Variants in PIK3C2B observed in about 807,000 individuals in gnomAD.
PIK3C2B encodes phosphatidylinositol-4-phosphate 3-kinase catalytic subunit type 2 beta.
In PIK3C2B, 83 loss-of-function variants were observed where a neutral mutation model predicts 184.3. The observed-to-expected ratio is 0.45, with a 90% CI of 0.38 to 0.54. The LOEUF is 0.54. Among genes scored for constraint, PIK3C2B ranks in the 20% least tolerant of loss-of-function variants. The pLI is 0.00. For missense variants in PIK3C2B, 1,736 were observed against 2,113.5 expected (o/e 0.82, Z 3.50); for synonymous variants, 779 against 837.6 (o/e 0.93, Z 1.21).
Position 204,464,592 on chromosome 1 carries a change from G to A in PIK3C2B, c.1047C>T (p.Gly349=). 1 of 1,613,980 alleles carries A rather than the reference G, an allele frequency of 6.2e-7. No homozygotes were observed. The highest frequency in any genetic ancestry group is 8.5e-7 in the Non-Finnish European group (1 of 1,179,944). The change falls in exon 4 of 33, where the codon GGC becomes GGT. Residue 349 remains glycine (G), a synonymous_variant. Coordinates refer to ENST00000684373, the MANE Select transcript of PIK3C2B (RefSeq NM_001377334.1). ...TGAGGAAGTAGTCTTGGATGTCAGA[G>A]CCAGATCGAAGGCTGTACAGGAAGA... ...FCHMLDILRS[G]SDIQDYFLTG...
chr1:204,438,880 G>A, intron 23 of PIK3C2B, 55 bp downstream of exon 23: 16 of 1,579,248 alleles, frequency 1.0e-5, no homozygotes, highest in Non-Finnish European at 1.4e-5. Context: ...AAAGAGCTGT[G>A]TGCCGGCATC....
Position 204,430,016 on chromosome 1 carries a change from C to T in PIK3C2B, c.4303G>A (p.Gly1435Ser), listed in dbSNP as rs140065111. 4.0e-5 allele frequency: 65 copies of T among 1,609,748 alleles called. No homozygotes were observed. The African/African-American group carries it at 6.8e-4, about 17-fold the overall frequency. The change falls in exon 29 of 33, where the codon GGC becomes AGC. Residue 1435 changes from glycine (G) to serine (S), a missense_variant. Gly to Ser is a moderately conservative substitution (Grantham distance 56, BLOSUM62 0). Coordinates refer to ENST00000684373, the MANE Select transcript of PIK3C2B (RefSeq NM_001377334.1). ...GCCACCGCCTCTCCCCGGGAGCGGC[C>T]GATCACGAAGCGACTAGGGAAGCTG... The part of the protein sequence containing the change: ...LPSFPSRFVI[G>S]RSRGEAVAER...
intron 2 of PIK3C2B, among the ~76,000 whole-genome samples, chr1:204,468,401 G>A (rs955885717): frequency 2.0e-5 from 3 of 151,986 alleles, no homozygotes. Context: ...TCTGGACCAG[G>A]GTCTGGCATT....
At position 204,453,948 on chromosome 1, in the gene PIK3C2B, T is replaced by A. The variant is rs1224348713; in HGVS notation, c.2066+721A>T. 2.0e-5 allele frequency among the ~76,000 whole-genome samples: 3 copies of A among 151,534 alleles called. No homozygotes were observed. In the East Asian group the frequency reaches 5.9e-4, roughly 30 times the overall value. The stretch of plus-strand genomic sequence containing the variant: ...GCCACCATGCCCGGCTATTTTGTAT[T>A]TTTTTTAGTAGAGACGAGGTTTCTC... On this transcript the variant is annotated intron_variant, in intron 12 of 32. Coordinates refer to ENST00000684373, the MANE Select transcript of PIK3C2B (RefSeq NM_001377334.1).
intron 12 of PIK3C2B, among the ~76,000 whole-genome samples, chr1:204,452,189 G>A (rs938239719): frequency 2.0e-5 from 3 of 152,128 alleles, no homozygotes; most frequent in African/African-American, 7.2e-5. Flanking sequence ...AAACTCATGG[G>A]GCAGGCTGGG....
At chr1:204,448,739 T>C (rs1654089498) in intron 14 of PIK3C2B, among the ~76,000 whole-genome samples, 1 of 151,874 alleles carries the variant, frequency 6.6e-6, no homozygotes, top group South Asian at 2.1e-4. Flanking sequence ...AGCTGGGAAC[T>C]GAGAAGTGCA....
chr1:204,443,676 C>A, intron 18 of PIK3C2B, 79 bp from the exon 19 acceptor site: 1 of 1,356,886 alleles, frequency 7.4e-7, no homozygotes, highest in Non-Finnish European at 1.0e-6. Context: ...GAGTCAGGCC[C>A]AGCTCCAACT....
Position 204,469,071 on chromosome 1 carries a change from A to G in PIK3C2B, c.732T>C (p.Tyr244=). The G allele has an allele frequency of 1.2e-6, 2 of 1,614,158 alleles. No individual in the cohort carries two copies. The highest frequency in any genetic ancestry group is 1.7e-6 in the Non-Finnish European group (2 of 1,180,038). ...AITRLNLKST[Y]DAEMLRDATR... ...TGGCATCCCGCAACATCTCCGCATC[A>G]TAGGTCGATTTCAAGTTGAGCCTAG... The change falls in exon 2 of 33, where the codon TAT becomes TAC. Residue 244 remains tyrosine, a synonymous_variant. Transcript: ENST00000684373.
intron 29 of PIK3C2B, 68 bp from the exon 30 acceptor site, chr1:204,428,288 C>A: frequency 2.1e-6 from 2 of 944,328 alleles, no homozygotes; most frequent in Non-Finnish European, 1.7e-6. Context: ...AGGAAGGGGA[C>A]TGTTCCAGAT....
chr1:204,466,243 A>G (rs1232991343), intron 2 of PIK3C2B, among the ~76,000 whole-genome samples: 1 of 152,210 alleles, frequency 6.6e-6, no homozygotes, highest in Non-Finnish European at 1.5e-5. Flanking sequence ...ACGAGGCTTC[A>G]GCTCAGATGG....
At chr1:204,439,172 T>C in intron 22 of PIK3C2B, 101 bp from the exon 23 acceptor site, 1 of 1,205,158 alleles carries the variant, frequency 8.3e-7, no homozygotes, top group Non-Finnish European at 1.2e-6. Flanking sequence ...TAAATTAAGC[T>C]GTAAGGCATT....
chr1:204,428,224 G>A lies in PIK3C2B; in HGVS notation c.4399-4C>T, dbSNP rs752353857. The A allele has an allele frequency of 6.3e-7, 1 of 1,599,978 alleles. No homozygotes were observed. The highest frequency in any genetic ancestry group is 2.2e-5 in the East Asian group (1 of 44,820). On this transcript the variant is annotated splice_region_variant and splice_polypyrimidine_tract_variant and intron_variant, in intron 29 of 32. Transcript: ENST00000684373. Reference sequence around the variant, plus strand: ...AGAAGGTGTACACCAAATCACACTGGAACAGAATCAGAAACAGGGCCATTC... The same window carrying A: ...AGAAGGTGTACACCAAATCACACTGAAACAGAATCAGAAACAGGGCCATTC...
chr1:204,491,973 C>A (rs911448003), intron 1 of PIK3C2B, among the ~76,000 whole-genome samples: 2 of 152,180 alleles, frequency 1.3e-5, no homozygotes, highest in Non-Finnish European at 2.9e-5. Flanking sequence ...CCTGCCAACA[C>A]TATTTAAAGA....
Position 204,444,132 on chromosome 1 carries a change from G to T in PIK3C2B, c.2803C>A (p.Pro935Thr). The T allele has an allele frequency of 6.2e-7, 1 of 1,613,690 alleles. No homozygotes were observed. The highest frequency in any genetic ancestry group is 8.5e-7 in the Non-Finnish European group (1 of 1,179,580). ...ALKYECYLDSPLVRFLLKRAV... is the reference protein window; with the variant it reads ...ALKYECYLDSTLVRFLLKRAV... Reference sequence around the variant, plus strand: ...CGTTTCAGGAGGAAGCGCACCAACGGGCTGTCCAGGTAGCATTCATACTTC... The same window carrying T: ...CGTTTCAGGAGGAAGCGCACCAACGTGCTGTCCAGGTAGCATTCATACTTC... The change falls in exon 18 of 33, where the codon CCG becomes ACG. Residue 935 changes from proline to threonine, a missense_variant. By Grantham distance (38) the Pro-to-Thr change is conservative. Transcript: ENST00000684373.
In PIK3C2B at chr1:204,465,237, A is replaced by G; in HGVS notation, c.1016T>C (p.Phe339Ser). ...CTCTTACATATCCAGCATGTGGCAA[A>G]ATGCAGCAACCTCCTCATCTCTCTC... The part of the protein sequence containing the change: ...SEERDEEVAA[F>S]CHMLDILRSG... The change falls in exon 3 of 33, where the codon TTT becomes TCT. Residue 339 changes from phenylalanine to serine, a missense_variant. By Grantham distance (155) the Phe-to-Ser change is radical. This residue lies in a region of PIK3C2B where 609 missense variants were observed against 699.2 expected (regional missense o/e 0.87). Transcript: ENST00000684373. The G allele has an allele frequency of 6.2e-7, 1 of 1,609,990 alleles. No individual in the cohort carries two copies. Among genetic ancestry groups the G allele is most frequent in the Non-Finnish European group, 8.5e-7 (1 of 1,177,074 alleles).
intron 1 of PIK3C2B, among the ~76,000 whole-genome samples, chr1:204,493,524 A>AACACACAC (rs3038310): frequency 0.16 from 23,565 of 143,830 alleles, 2,050 homozygotes; most frequent in East Asian, 0.32. Flanking sequence ...AATGGCAGAA[A>AACACACAC]ACACACACAC....
intron 22 of PIK3C2B, 145 bp from the exon 23 acceptor site, chr1:204,439,216 AC>A: frequency 1.2e-6 from 1 of 801,390 alleles, no homozygotes; most frequent in Non-Finnish European, 1.9e-6. Context: ...GAAGAGAATA[AC>A]CATAGAAAGG....
Position 204,468,896 on chromosome 1 carries a change from T to G in PIK3C2B, c.907A>C (p.Lys303Gln). Reference sequence around the variant, plus strand: ...GGGGCTGCAGAAATCCGGCGGTTCTTGCCAGGCGTCGCATTCTTTCGGTTG... The same window carrying G: ...GGGGCTGCAGAAATCCGGCGGTTCTGGCCAGGCGTCGCATTCTTTCGGTTG... ...YGNRKNATPG[K>Q]NRRISAAPVG... Residue 303 changes from lysine (K) to glutamine (Q), a missense_variant, in exon 2 of 33, where the codon AAG becomes CAG. By Grantham distance (53) the Lys-to-Gln change is moderately conservative. Around this residue, in one of 8 missense-constraint regions of PIK3C2B, gnomAD observed 404 missense variants for 418.0 expected, o/e 0.97. Coordinates refer to ENST00000684373, the MANE Select transcript of PIK3C2B (RefSeq NM_001377334.1). The G allele has an allele frequency of 6.3e-7, 1 of 1,595,342 alleles. No homozygotes were observed.
rs1653629454 is a variant in PIK3C2B at position 204,444,101 on chromosome 1, A to T, written c.2834T>A (p.Val945Glu). The stretch of plus-strand genomic sequence containing the variant: ...GTAGTGAGTCACTCTCAAGTCAGAC[A>T]CAGCTCGTTTCAGGAGGAAGCGCAC... The part of the protein sequence containing the change: ...PLVRFLLKRA[V>E]SDLRVTHYFF... The change falls in exon 18 of 33, where the codon GTG becomes GAG. Residue 945 changes from valine to glutamate, a missense_variant. Physicochemically the swap from Val to Glu is moderately radical, Grantham distance 121. Around this residue, in one of 8 missense-constraint regions of PIK3C2B, gnomAD observed 289 missense variants for 380.4 expected, o/e 0.76. Transcript: ENST00000684373. 1 of 1,613,782 alleles carries T rather than the reference A, an allele frequency of 6.2e-7. No homozygotes were observed. The highest frequency in any genetic ancestry group is 1.1e-5 in the South Asian group (1 of 91,076).
Sources: allele counts gnomAD v4.1 joint callset (sites outside exome capture counted in the v4.1 genomes callset), GRCh38; gene constraint gnomAD v4.1.1; regional missense constraint gnomAD v4.1.1; transcripts MANE v1.5; gene names NCBI Gene and HGNC (gene_info 2026-07-23, HGNC 2026-07-21).